The following ANO4 variants were observed in gnomAD, a reference collection of about 807,000 sequenced individuals.
ANO4 encodes anoctamin 4, also known as anoctamin-4.
Under a neutral mutation model 141.9 loss-of-function variants are expected in ANO4, and 69 were observed. That is an observed-to-expected ratio of 0.49 (90% CI 0.40 to 0.59). The LOEUF is 0.59. Ranked by LOEUF, ANO4 falls within the 20% of genes least tolerant of loss-of-function variation. The pLI is 0.00. For synonymous variants in ANO4, 350 were observed against 394.3 expected (o/e 0.89, Z 1.33); for missense variants, 894 against 1,162.2 (o/e 0.77, Z 3.36).
intron 14 of ANO4, among the ~76,000 whole-genome samples, chr12:101,075,359 C>G (rs1566211392): frequency 6.6e-6 from 1 of 152,076 alleles, no homozygotes. Context: ...TGTGGCTCCA[C>G]TGATTCCCAA....
At chr12:101,069,390 A>T (rs569614774) in intron 14 of ANO4, among the ~76,000 whole-genome samples, 1 of 152,232 alleles carries the variant, frequency 6.6e-6, no homozygotes, top group African/African-American at 2.4e-5. Context: ...ACATTTAACC[A>T]TGTTGGTTTA....
At chr12:101,051,247 T>C (rs2047856621) in intron 14 of ANO4, among the ~76,000 whole-genome samples, 1 of 152,130 alleles carries the variant, frequency 6.6e-6, no homozygotes, top group African/African-American at 2.4e-5. Context: ...GCCTGGAGCA[T>C]GGAGTTGAGA....
intron 13 of ANO4, among the ~76,000 whole-genome samples, chr12:101,047,362 AC>A (rs2047674848): frequency 1.3e-5 from 2 of 152,212 alleles, no homozygotes; most frequent in African/African-American, 4.8e-5. Flanking sequence ...ATACAGCTTA[AC>A]ATTCCCTCTG....
chr12:101,110,589 A>C, intron 23 of ANO4, 33 bp downstream of exon 23: 2 of 1,504,308 alleles, frequency 1.3e-6, no homozygotes, highest in Non-Finnish European at 1.8e-6. Flanking sequence ...TTTAAAAAAC[A>C]TATTAAACAT....
In ANO4 at chr12:100,737,991, C is replaced by A. The variant is rs191219802; in HGVS notation, c.107-1863C>A. 8.5e-5 allele frequency among the ~76,000 whole-genome samples: 13 copies of A among 152,274 alleles called. No homozygotes were observed. The East Asian group carries it at 2.5e-3, about 29-fold the overall frequency. ...AAATCCAGGGAACAGAAGAAAGACT[C>A]CTCCTAAAACTATTCTGTTTATCCA... On this transcript the variant is annotated intron_variant, in intron 2 of 29. Transcript: ENST00000644049.
chr12:100,878,066 A>C (rs78207397), intron 1 of ANO4, among the ~76,000 whole-genome samples: 2 of 152,092 alleles, frequency 1.3e-5, no homozygotes, highest in South Asian at 4.1e-4. Flanking sequence ...AGGGTATCTC[A>C]GCTAGTTACC....
intron 1 of ANO4, among the ~76,000 whole-genome samples, chr12:100,872,938 C>T (rs2135932348): frequency 6.6e-6 from 1 of 152,254 alleles, no homozygotes; most frequent in South Asian, 2.1e-4. Context: ...CGGATTTCCT[C>T]CTTGCTGTTC....
rs756917818 is a variant in ANO4, at chr12:101,047,250, A to AAAAC, written c.1252-1072_1252-1069dup. ...GGTGACAGAGTCAGAATCCATCTCA[A>AAAAC]AAACAAACAAACAAACAAACAACAA... On this transcript the variant is annotated intron_variant, in intron 13 of 27. Transcript: ENST00000392977. Among the ~76,000 whole-genome samples the AAAAC allele has an allele frequency of 7.2e-5, 11 of 152,230 alleles. No homozygotes were observed. In the South Asian group the frequency reaches 8.3e-4, roughly 11 times the overall value.
intron 1 of ANO4, among the ~76,000 whole-genome samples, chr12:100,819,934 G>A (rs1280563452): frequency 2.0e-5 from 3 of 151,840 alleles, no homozygotes; most frequent in Non-Finnish European, 2.9e-5. Context: ...CCCAAATCAA[G>A]TTCCTTAGTT....
intron 9 of ANO4, among the ~76,000 whole-genome samples, chr12:101,021,098 A>G (rs1029920907): frequency 3.9e-5 from 6 of 152,208 alleles, no homozygotes; most frequent in African/African-American, 1.2e-4. Flanking sequence ...CCTCGCTACA[A>G]TGCTAAGCTG....
intron 3 of ANO4, among the ~76,000 whole-genome samples, chr12:100,788,132 G>T (rs544140478): frequency 6.6e-6 from 1 of 152,274 alleles, no homozygotes; most frequent in African/African-American, 2.4e-5. Context: ...GGTCAGGCTT[G>T]GGAGGATTTT....
intron 3 of ANO4, among the ~76,000 whole-genome samples, chr12:100,741,035 A>C (rs1444335947): frequency 6.6e-6 from 1 of 152,244 alleles, no homozygotes; most frequent in Non-Finnish European, 1.5e-5. Context: ...GAATGCTTAC[A>C]ACATCCTGCC....
intron 1 of ANO4, among the ~76,000 whole-genome samples, chr12:100,857,098 G>T (rs866645057): frequency 6.6e-6 from 1 of 152,082 alleles, no homozygotes; most frequent in Non-Finnish European, 1.5e-5. Context: ...ACCATCATGG[G>T]GCGTATGGAG....
intron 7 of ANO4, among the ~76,000 whole-genome samples, chr12:100,982,832 A>T (rs1232807376): frequency 6.6e-6 from 1 of 152,268 alleles, no homozygotes. Flanking sequence ...AGTTTGAATT[A>T]ATCACATAAG....
rs527485609 is a variant in ANO4, at chr12:100,879,161, T to C, written c.-140-22485T>C. Reference sequence around the variant, plus strand: ...GAATTTATTACCATGAATCTCACTTTCTAAAATTGCTAGCACTATTAAAGT... The same window carrying C: ...GAATTTATTACCATGAATCTCACTTCCTAAAATTGCTAGCACTATTAAAGT... On this transcript the variant is annotated intron_variant, in intron 1 of 27. Transcript: ENST00000392977. Among the ~76,000 whole-genome samples, 34 of 152,340 alleles carry C rather than the reference T, an allele frequency of 2.2e-4. 1 individual carries two copies. In the South Asian group the frequency reaches 4.6e-3, roughly 20 times the overall value.
chr12:100,943,721 ATGT>A (rs5800444), intron 5 of ANO4, among the ~76,000 whole-genome samples: 32,278 of 152,072 alleles, frequency 0.21, 3,880 homozygotes, highest in Admixed American at 0.3. Context: ...AGAATTAAAA[ATGT>A]TGTTTCTTCC....
At chr12:100,810,104 T>C (rs984377065) in intron 1 of ANO4, among the ~76,000 whole-genome samples, 4 of 151,726 alleles carry the variant, frequency 2.6e-5, no homozygotes, top group African/African-American at 9.7e-5. Context: ...CAGTGGTATA[T>C]GATGAAGCAG....
chr12:100,875,205 C>G (rs1443774266), intron 1 of ANO4, among the ~76,000 whole-genome samples: 8 of 152,118 alleles, frequency 5.3e-5, no homozygotes, highest in Admixed American at 3.3e-4. Context: ...GAGGAGGGAC[C>G]TGGTGGGAGG....
intron 7 of ANO4, 39 bp downstream of exon 7, chr12:100,974,928 T>C (rs1416116184): frequency 1.2e-6 from 2 of 1,605,982 alleles, no homozygotes; most frequent in South Asian, 1.1e-5. Flanking sequence ...TTTGTCTTTC[T>C]GTTGGCCCGT....
Sources: allele counts gnomAD v4.1 joint callset (sites outside exome capture counted in the v4.1 genomes callset), GRCh38; gene constraint gnomAD v4.1.1; transcripts MANE v1.5; gene names NCBI Gene and HGNC (gene_info 2026-07-23, HGNC 2026-07-21).